The following CEP295 variants were observed in gnomAD, a reference collection of about 807,000 sequenced individuals.
CEP295 encodes the protein centrosomal protein 295.
A neutral mutation model predicts 291.6 loss-of-function variants in CEP295; 190 were observed. The ratio of observed to expected loss-of-function variants is 0.65; its 90% CI spans 0.58 to 0.73. The LOEUF (loss-of-function observed/expected upper bound fraction) is 0.73. Ranked by LOEUF, CEP295 falls within the 30% of genes least tolerant of loss-of-function variation. The pLI is 0.00. For missense variants in CEP295, 2,863 were observed against 2,949.4 expected, an observed-to-expected ratio of 0.97 and a Z score of 0.68; for synonymous variants, 993 against 1,038.8, an observed-to-expected ratio of 0.96 and a Z score of 0.85.
chr11:93,712,370 C>T (rs1246734779), intron 18 of CEP295, among the ~76,000 whole-genome samples: 2 of 152,166 alleles, frequency 1.3e-5, no homozygotes, highest in African/African-American at 4.8e-5. Context: ...TCTCCTGCTT[C>T]AGCCTCCCAA....
At chr11:93,720,062 T>TAAAA (rs11371094) in intron 18 of CEP295, among the ~76,000 whole-genome samples, 1 of 144,772 alleles carries the variant, frequency 6.9e-6, no homozygotes, top group Non-Finnish European at 1.5e-5. Context: ...TAGAAAGCTG[T>TAAAA]AAAAAAAAAA....
intron 1 of CEP295, among the ~76,000 whole-genome samples, chr11:93,663,480 G>A (rs1260521628): frequency 1.3e-5 from 2 of 152,118 alleles, no homozygotes; most frequent in African/African-American, 2.4e-5. Flanking sequence ...TTATATCCTT[G>A]GATTGGCTTC....
In CEP295 at chr11:93,698,755, A is replaced by G. The variant is rs1001051781; in HGVS notation, c.3843A>G (p.Thr1281=). Residue 1281 remains threonine, a synonymous_variant, in exon 15 of 30, where the codon ACA becomes ACG. Transcript: ENST00000325212. ...FHFSQKTQEN[T]SSEQTGSSSF... is the part of the protein sequence containing the mutation. ...TCAGCCAGAAAACCCAAGAAAATAC[A>G]TCTTCTGAACAAACTGGTTCATCTT... The G allele has an allele frequency of 1.9e-6, 3 of 1,551,538 alleles. No homozygotes were observed. The highest frequency in any genetic ancestry group is 2.0e-5 in the Admixed American group (1 of 50,958).
Position 93,729,611 on chromosome 11 carries a change from C to T in CEP295, c.7400-3C>T. 6.5e-7 allele frequency: 1 copy of T among 1,550,218 alleles called. No individual in the cohort carries two copies. Among genetic ancestry groups the T allele is most frequent in the Admixed American group, 2.0e-5 (1 of 50,736 alleles). On this transcript the variant is annotated splice_polypyrimidine_tract_variant and splice_region_variant and intron_variant, in intron 26 of 29. Coordinates refer to ENST00000325212, the MANE Select transcript of CEP295 (RefSeq NM_033395.2). The stretch of plus-strand genomic sequence containing the variant: ...CTGTCATAAATTTCTTTTCCCCCAG[C>T]AGAAACCCCTCGCAGGCTTACACCT...
At chr11:93,675,691 G>T in intron 6 of CEP295, 25 bp downstream of exon 6, 1 of 1,136,054 alleles carries the variant, frequency 8.8e-7, no homozygotes, top group Non-Finnish European at 1.3e-6. Context: ...GTTTCTTCAT[G>T]CCCTCGCTTT....
rs530448737 is a variant in CEP295 at position 93,697,537 on chromosome 11, A to G, written c.2625A>G (p.Lys875=). ...QEAQEQLLLC[K]QKEVEQQTGL... ...CTCAGGAACAGTTGCTTTTGTGCAA[A>G]CAGAAAGAAGTGGAACAGCAAACGG... is the stretch of plus-strand genomic sequence containing the variant. The change falls in exon 15 of 30, where the codon AAA becomes AAG. Residue 875 remains lysine (K), a synonymous_variant. Coordinates refer to ENST00000325212, the MANE Select transcript of CEP295 (RefSeq NM_033395.2). The G allele has an allele frequency of 1.3e-6, 2 of 1,551,810 alleles. No individual in the cohort carries two copies. The highest frequency in any genetic ancestry group is 2.4e-5 in the South Asian group (2 of 84,058).
At position 93,724,364 on chromosome 11, in the gene CEP295, G is replaced by T; in HGVS notation, c.6307G>T (p.Asp2103Tyr). 2.6e-6 allele frequency: 4 copies of T among 1,549,918 alleles called. No homozygotes were observed. The highest frequency in any genetic ancestry group is 3.5e-6 in the Non-Finnish European group (4 of 1,145,708). Residue 2103 changes from aspartate (D) to tyrosine (Y), a missense_variant, in exon 22 of 30, where the codon GAC (aspartate) becomes TAC (tyrosine). Transcript: ENST00000325212. The stretch of plus-strand genomic sequence containing the variant: ...CTCTGGGATTTCTCCAGACAACAGA[G>T]ACTTTTACCAGGTATATTAAAGTAG... ...SSSGISPDNR[D>Y]FYQRSDSSSE...
chr11:93,692,071 A>G, intron 12 of CEP295, 41 bp downstream of exon 12: 2 of 1,082,304 alleles, frequency 1.8e-6, no homozygotes, highest in African/African-American at 1.6e-5. Context: ...TTTTTCCCCT[A>G]GGTACTATTA....
chr11:93,661,902 G>T (rs1004256588), intron 1 of CEP295, 128 bp downstream of exon 1: 1 of 152,788 alleles, frequency 6.5e-6, no homozygotes, highest in African/African-American at 2.4e-5. Flanking sequence ...CGCAGGTACG[G>T]CTCGCGTTTC....
chr11:93,707,577 C>T (rs765155921), intron 18 of CEP295, among the ~76,000 whole-genome samples: 5 of 151,844 alleles, frequency 3.3e-5, no homozygotes, highest in Non-Finnish European at 7.4e-5. Flanking sequence ...CGGCTAACAC[C>T]GTGAAACCCT....
intron 19 of CEP295, 190 bp from the exon 20 acceptor site, chr11:93,721,764 C>A: frequency 1.5e-6 from 1 of 687,412 alleles, no homozygotes; most frequent in Non-Finnish European, 2.7e-6. Flanking sequence ...TGGGGGGGTG[C>A]GTATGTATGT....
intron 18 of CEP295, among the ~76,000 whole-genome samples, chr11:93,711,626 C>T (rs1565203288): frequency 6.6e-6 from 1 of 152,164 alleles, no homozygotes; most frequent in African/African-American, 2.4e-5. Flanking sequence ...CCTCAGCCTC[C>T]CAAATAGCTG....
At chr11:93,704,686 T>G (rs1382295851) in intron 17 of CEP295, among the ~76,000 whole-genome samples, 1 of 152,186 alleles carries the variant, frequency 6.6e-6, no homozygotes, top group East Asian at 1.9e-4. Flanking sequence ...GTAAACTTAT[T>G]CAGATTTCCT....
intron 7 of CEP295, among the ~76,000 whole-genome samples, chr11:93,680,186 A>G (rs1950894835): frequency 6.6e-6 from 1 of 152,154 alleles, no homozygotes; most frequent in Admixed American, 6.5e-5. Flanking sequence ...CCAAGGTGGG[A>G]GGATCACCTG....
chr11:93,698,469 T>C lies in CEP295; in HGVS notation c.3557T>C (p.Phe1186Ser), dbSNP rs968283834. Residue 1186 changes from phenylalanine to serine, a missense_variant, in exon 15 of 30, where the codon TTT (phenylalanine) becomes TCT (serine). Phe to Ser is a radical substitution (Grantham distance 155). Coordinates refer to ENST00000325212, the MANE Select transcript of CEP295 (RefSeq NM_033395.2). ...ILGAKEGTQE[F>S]VHTESELEKR... ...GGTGCTAAAGAAGGAACTCAGGAAT[T>C]TGTACACACAGAAAGTGAATTGGAG... 30 of 1,551,796 alleles carry C rather than the reference T, an allele frequency of 1.9e-5. No homozygotes were observed. The Middle Eastern group carries it at 8.3e-4, about 43-fold the overall frequency.
chr11:93,697,619 G>A lies in CEP295; in HGVS notation c.2707G>A (p.Ala903Thr). 1.3e-6 allele frequency: 2 copies of A among 1,551,836 alleles called. No homozygotes were observed. The highest frequency in any genetic ancestry group is 1.7e-6 in the Non-Finnish European group (2 of 1,147,000). The change falls in exon 15 of 30, where the codon GCC becomes ACC. Residue 903 changes from alanine to threonine, a missense_variant. Ala to Thr is a moderately conservative substitution (Grantham distance 58). Around this residue, in one of 3 missense-constraint regions of CEP295, gnomAD observed 2,295 missense variants for 2,335.7 expected, o/e 0.98. Coordinates refer to ENST00000325212, the MANE Select transcript of CEP295 (RefSeq NM_033395.2). ...TPDSSALLPSAKADLGRIQES... is the reference protein window; with the variant it reads ...TPDSSALLPSTKADLGRIQES... ...AGATTCATCTGCTTTATTGCCTTCTGCCAAAGCAGATTTGGGGAGAATCCA... is the reference window on the plus strand; with the variant it reads ...AGATTCATCTGCTTTATTGCCTTCTACCAAAGCAGATTTGGGGAGAATCCA...
chr11:93,723,266 T>C lies in CEP295; in HGVS notation c.6173T>C (p.Ile2058Thr). ...AAGTACATTAATGAAGCAAATTTGATACCTGAAAAAACAGATTTGCAAGGT... is the reference window on the plus strand; with the variant it reads ...AAGTACATTAATGAAGCAAATTTGACACCTGAAAAAACAGATTTGCAAGGT... ...IDKYINEANL[I>T]PEKTDLQELE... Residue 2058 changes from isoleucine to threonine, a missense_variant, in exon 21 of 30, where the codon ATA (isoleucine) becomes ACA (threonine). Transcript: ENST00000325212. 1 of 1,510,612 alleles carries C rather than the reference T, an allele frequency of 6.6e-7. No individual in the cohort carries two copies. The highest frequency in any genetic ancestry group is 2.5e-5 in the East Asian group (1 of 40,540). 93.6% of individuals were successfully genotyped at this position (1,510,612 alleles called of 1,614,324 possible). A position where few individuals can be genotyped will look rare whatever the true frequency, so the allele number is the denominator to read the frequency against.
intron 18 of CEP295, among the ~76,000 whole-genome samples, chr11:93,715,613 C>G (rs894532840): frequency 5.9e-5 from 9 of 152,080 alleles, no homozygotes; most frequent in African/African-American, 2.2e-4. Context: ...ATGAAGCCAT[C>G]ATGTCTCAGA....
chr11:93,707,330 A>G (rs1200733432), intron 18 of CEP295, among the ~76,000 whole-genome samples: 3 of 152,184 alleles, frequency 2.0e-5, no homozygotes, highest in African/African-American at 7.2e-5. Context: ...ACACCCAAAG[A>G]CAGCCAATGT....
Sources: allele counts gnomAD v4.1 joint callset (sites outside exome capture counted in the v4.1 genomes callset), GRCh38; gene constraint gnomAD v4.1.1; regional missense constraint gnomAD v4.1.1; transcripts MANE v1.5; gene names NCBI Gene and HGNC (gene_info 2026-07-23, HGNC 2026-07-21).